Variants in HAUS8 observed in about 807,000 individuals in gnomAD.
HAUS8 encodes the protein HAUS augmin like complex subunit 8, also known as HAUS augmin-like complex subunit 8.
A neutral mutation model predicts 42.9 loss-of-function variants in HAUS8; 38 were observed. The observed-to-expected ratio is 0.89, with a 90% CI of 0.68 to 1.16. The LOEUF (loss-of-function observed/expected upper bound fraction) is 1.16. Ranked by LOEUF, HAUS8 falls within the 50% of genes most tolerant of loss-of-function variation. The probability of loss-of-function intolerance (pLI) is 0.00; values close to 1 mark genes in which losing one functional copy is unlikely to be tolerated. For synonymous variants in HAUS8, 199 were observed against 205.8 expected, an observed-to-expected ratio of 0.97 and a Z score of 0.28; for missense variants, 494 against 511.6, an observed-to-expected ratio of 0.97 and a Z score of 0.33.
chr19:17,064,886 CTTAAATT>C (rs2057379102), intron 3 of HAUS8, among the ~76,000 whole-genome samples: 1 of 152,158 alleles, frequency 6.6e-6, no homozygotes, highest in African/African-American at 2.4e-5. Context: ...ACTACTGCCT[CTTAAATT>C]AAAGCACTTA....
chr19:17,056,385 A>G (rs995200069), intron 8 of HAUS8, among the ~76,000 whole-genome samples: 1 of 152,222 alleles, frequency 6.6e-6, no homozygotes, highest in Non-Finnish European at 1.5e-5. Flanking sequence ...TTGACCCTTG[A>G]GCAACACGGG....
At chr19:17,055,114 GAAAAAAAAAAAAAAA>G (rs1175327637) in intron 9 of HAUS8, 6 of 4,720 alleles carry the variant, frequency 1.3e-3, no homozygotes, top group African/African-American at 4.1e-3. Flanking sequence ...CGTCTCTACA[GAAAAAAAAAAAAAAA>G]AAAAAAAAAA....
intron 10 of HAUS8, chr19:17,052,305 C>A: frequency 6.6e-6 from 1 of 152,276 alleles, no homozygotes. Context: ...GTTCTCTCTT[C>A]CCCCTGCTCT....
Position 17,057,764 on chromosome 19 carries a change from A to G in HAUS8, c.645+785T>C, listed in dbSNP as rs534571587. Among the ~76,000 whole-genome samples, 33 of 152,248 alleles carry G rather than the reference A, an allele frequency of 2.2e-4. No homozygotes were observed. The South Asian group carries it at 6.6e-3, about 31-fold the overall frequency. On this transcript the variant is annotated intron_variant, in intron 8 of 10. Coordinates refer to ENST00000253669, the MANE Select transcript of HAUS8 (RefSeq NM_033417.2). ...GATGATCCAACTCCCAGTACCTTGGAATGTGCCCTTATTTGAAAAGAGGGA... is the reference window on the plus strand; with the variant it reads ...GATGATCCAACTCCCAGTACCTTGGGATGTGCCCTTATTTGAAAAGAGGGA...
At chr19:17,055,324 A>C (rs1419740546) in intron 9 of HAUS8, among the ~76,000 whole-genome samples, 1 of 116,936 alleles carries the variant, frequency 8.6e-6, no homozygotes, top group Non-Finnish European at 1.7e-5. Flanking sequence ...TGGGCGACAC[A>C]GCAAGATGCT....
chr19:17,074,358 T>C (rs2057450758), intron 1 of HAUS8: 1 of 152,404 alleles, frequency 6.6e-6, no homozygotes, highest in East Asian at 1.9e-4. Context: ...CCAGACAATG[T>C]TGGGGACACT....
intron 2 of HAUS8, 148 bp downstream of exon 2, chr19:17,073,126 G>T: frequency 1.4e-6 from 1 of 734,690 alleles, no homozygotes; most frequent in Non-Finnish European, 2.4e-6. Context: ...CCACAGGGCT[G>T]GGATGGCCAG....
intron 3 of HAUS8, among the ~76,000 whole-genome samples, chr19:17,066,397 A>G (rs2057387427): frequency 6.6e-6 from 1 of 152,190 alleles, no homozygotes; most frequent in African/African-American, 2.4e-5. Flanking sequence ...CTCCATCTGT[A>G]TCCTTTATAA....
intron 2 of HAUS8, among the ~76,000 whole-genome samples, chr19:17,069,661 A>C (rs763304237): frequency 2.0e-4 from 31 of 151,942 alleles, no homozygotes; most frequent in Non-Finnish European, 4.3e-4. Context: ...TGTGGATGGA[A>C]CAAATGCCAC....
intron 8 of HAUS8, 100 bp downstream of exon 8, chr19:17,058,449 G>C: frequency 8.3e-7 from 1 of 1,207,242 alleles, no homozygotes; most frequent in Non-Finnish European, 1.2e-6. Flanking sequence ...TTAGAAGCCA[G>C]TGAGCAATGA....
chr19:17,057,553 G>A (rs1384415675), intron 8 of HAUS8, among the ~76,000 whole-genome samples: 1 of 152,126 alleles, frequency 6.6e-6, no homozygotes, highest in Admixed American at 6.5e-5. Context: ...AAATCTGCAT[G>A]TAAGTGGAAC....
At position 17,058,663 on chromosome 19, in the gene HAUS8, A is replaced by G; in HGVS notation, c.531T>C (p.Asn177=). 1 of 1,612,460 alleles carries G rather than the reference A, an allele frequency of 6.2e-7. No homozygotes were observed. Among genetic ancestry groups the G allele is most frequent in the Non-Finnish European group, 8.5e-7 (1 of 1,179,526 alleles). The stretch of plus-strand genomic sequence containing the variant: ...CCTTCTCCTTACACATTATTAATAA[A>G]TTCTTTTCTGCCCTTCTTTCAAACT... ...LAEFERRAEK[N]LLIMCKEKEK... is the part of the protein sequence containing the mutation. The change falls in exon 8 of 11, where the codon AAT becomes AAC. Residue 177 remains asparagine (N), a synonymous_variant. Coordinates refer to ENST00000253669, the MANE Select transcript of HAUS8 (RefSeq NM_033417.2).
chr19:17,058,436 CAGTT>C, intron 8 of HAUS8, 109 bp downstream of exon 8: 1 of 1,072,712 alleles, frequency 9.3e-7, no homozygotes. Flanking sequence ...AAGCCCAACA[CAGTT>C]AGAAGCCAGT....
intron 9 of HAUS8, 25 bp from the exon 10 acceptor site, chr19:17,052,991 C>T (rs533489464): frequency 5.6e-6 from 9 of 1,613,814 alleles, no homozygotes; most frequent in East Asian, 4.5e-5. Context: ...GGATGGTGGG[C>T]GATGGATGGC....
chr19:17,075,512 G>T, upstream of HAUS8: 3 of 1,432,806 alleles, frequency 2.1e-6, no homozygotes, highest in Non-Finnish European at 2.9e-6. Context: ...TTGTGGAGAC[G>T]CAGGAGGGGT....
At chr19:17,057,731 T>G (rs1420256738) in intron 8 of HAUS8, among the ~76,000 whole-genome samples, 1 of 152,080 alleles carries the variant, frequency 6.6e-6, no homozygotes, top group Admixed American at 6.6e-5. Flanking sequence ...CCCCCCAAAT[T>G]CATACCTGAT....
chr19:17,052,033 C>T (rs2057290395), intron 10 of HAUS8: 1 of 151,922 alleles, frequency 6.6e-6, no homozygotes, highest in Non-Finnish European at 1.5e-5. Context: ...CCAGTTAGTT[C>T]GGAGGCTGAG....
chr19:17,064,014 C>A (rs2057374865), intron 3 of HAUS8, among the ~76,000 whole-genome samples: 1 of 152,200 alleles, frequency 6.6e-6, no homozygotes, highest in Admixed American at 6.5e-5. Flanking sequence ...CTTATTGGTT[C>A]TGTTTCTCTG....
At chr19:17,067,247 T>C (rs1375788795) in intron 3 of HAUS8, among the ~76,000 whole-genome samples, 2 of 147,860 alleles carry the variant, frequency 1.4e-5, no homozygotes, top group Non-Finnish European at 3.0e-5. Context: ...ATGCAATACA[T>C]GCAACACAGA....
Sources: allele counts gnomAD v4.1 joint callset (sites outside exome capture counted in the v4.1 genomes callset), GRCh38; gene constraint gnomAD v4.1.1; transcripts MANE v1.5; gene names NCBI Gene and HGNC (gene_info 2026-07-23, HGNC 2026-07-21).